WDR43: variants seen among roughly 807,000 people sequenced by gnomAD.
WDR43 encodes WD repeat domain 43, also known as WD repeat-containing protein 43.
Under a neutral mutation model 91.4 loss-of-function variants are expected in WDR43, and 13 were observed. That is an observed-to-expected ratio of 0.14 (90% confidence interval 0.09 to 0.23). WDR43 has a LOEUF of 0.23. WDR43 is among the 10% of genes least tolerant of loss of function. The pLI, the probability that WDR43 is intolerant of heterozygous loss-of-function variation, is 1.00. For missense variants in WDR43, 780 were observed against 809.4 expected, an observed-to-expected ratio of 0.96 and a Z score of 0.44; for synonymous variants, 331 against 287.9, an observed-to-expected ratio of 1.15 and a Z score of -1.51.
chr2:28,914,877 C>T (rs545442761), intron 5 of WDR43, among the ~76,000 whole-genome samples: 8 of 152,132 alleles, frequency 5.3e-5, no homozygotes, highest in Admixed American at 1.3e-4. Flanking sequence ...TGCAGTGAGC[C>T]GAGATCCCGC....
At chr2:28,939,078 G>A (rs1336727267) in intron 14 of WDR43, among the ~76,000 whole-genome samples, 1 of 100,176 alleles carries the variant, frequency 1.0e-5, no homozygotes, top group African/African-American at 3.5e-5. Context: ...TGACCTGGGA[G>A]CACTGGTGAG....
chr2:28,937,439 G>A (rs1386475423), intron 13 of WDR43, among the ~76,000 whole-genome samples: 1 of 151,704 alleles, frequency 6.6e-6, no homozygotes, highest in Non-Finnish European at 1.5e-5. Flanking sequence ...TTCTCGTGGG[G>A]TGCATTAGCC....
In WDR43 at chr2:28,906,572, A is replaced by G. The variant is rs750570112; in HGVS notation, c.476A>G (p.Lys159Arg). ...GTGGAATGGAACGTACAGACATGCA[A>G]AGTAAAGTGGTGAGTAACATTCATG... ...HIVEWNVQTCKVKCKWKGDNS... is the reference protein window; with the variant it reads ...HIVEWNVQTCRVKCKWKGDNS... Residue 159 changes from lysine (K) to arginine (R), a missense_variant, in exon 3 of 18, where the codon AAA becomes AGA. By Grantham distance (26) the Lys-to-Arg change is conservative. Around this residue, in one of 4 missense-constraint regions of WDR43, gnomAD observed 174 missense variants for 207.3 expected, o/e 0.84. Transcript: ENST00000407426. 6.8e-6 allele frequency: 11 copies of G among 1,612,042 alleles called. No individual in the cohort carries two copies. The highest frequency in any genetic ancestry group is 8.5e-6 in the Non-Finnish European group (10 of 1,179,302).
At chr2:28,933,047 G>A (rs975439170) in intron 11 of WDR43, among the ~76,000 whole-genome samples, 1 of 152,056 alleles carries the variant, frequency 6.6e-6, no homozygotes, top group African/African-American at 2.4e-5. Flanking sequence ...GTATTTTGGG[G>A]TCAAGAATTC....
intron 2 of WDR43, among the ~76,000 whole-genome samples, chr2:28,905,327 G>A (rs942533736): frequency 1.3e-5 from 2 of 152,166 alleles, no homozygotes; most frequent in African/African-American, 4.8e-5. Flanking sequence ...TTTGTGAGAT[G>A]GGAAACATGA....
At chr2:28,943,529 AG>A (rs1242522709) in intron 16 of WDR43, among the ~76,000 whole-genome samples, 1 of 152,204 alleles carries the variant, frequency 6.6e-6, no homozygotes, top group African/African-American at 2.4e-5. Context: ...GGAACATTTT[AG>A]ATCATCCTCA....
chr2:28,907,378 T>C (rs1670701056), intron 3 of WDR43, among the ~76,000 whole-genome samples: 1 of 151,628 alleles, frequency 6.6e-6, no homozygotes, highest in African/African-American at 2.4e-5. Flanking sequence ...ATCCCAGCAC[T>C]TTGGGAGGCC....
Position 28,903,750 on chromosome 2 carries a change from C to T in WDR43, c.363+1626C>T, listed in dbSNP as rs1027778122. On this transcript the variant is annotated intron_variant, in intron 2 of 17. Coordinates refer to ENST00000407426, the MANE Select transcript of WDR43 (RefSeq NM_015131.3). ...TAGGTTTTTTGTGTTCAGCAGGTAC[C>T]TAGCATCTTGTGCAGTGTGATAGCT... 2.6e-5 allele frequency among the ~76,000 whole-genome samples: 4 copies of T among 152,168 alleles called. 1 individual carries two copies. Among genetic ancestry groups the T allele is most frequent in the African/African-American group, 4.8e-5 (2 of 41,440 alleles).
At chr2:28,945,651 T>C (rs1035439218) in intron 16 of WDR43, among the ~76,000 whole-genome samples, 1 of 152,250 alleles carries the variant, frequency 6.6e-6, no homozygotes, top group Non-Finnish European at 1.5e-5. Flanking sequence ...ATGCTGATCG[T>C]TCATATTGCA....
intron 5 of WDR43, 53 bp downstream of exon 5, chr2:28,914,261 T>A: frequency 6.5e-7 from 1 of 1,544,932 alleles, no homozygotes; most frequent in African/African-American, 1.4e-5. Context: ...CTGTCAGAGC[T>A]TATGTAGTTA....
At chr2:28,924,916 G>A (rs1671098954) in intron 7 of WDR43, 66 bp from the exon 8 acceptor site, 2 of 1,554,204 alleles carry the variant, frequency 1.3e-6, no homozygotes, top group South Asian at 2.5e-5. Flanking sequence ...CTTGATGTCA[G>A]TTCCAGAGAG....
intron 6 of WDR43, 34 bp from the exon 7 acceptor site, chr2:28,922,885 C>T (rs1165237119): frequency 3.9e-6 from 6 of 1,529,900 alleles, no homozygotes; most frequent in Non-Finnish European, 4.4e-6. Context: ...AGTATGTTAT[C>T]CATTATAATA....
intron 12 of WDR43, 51 bp downstream of exon 12, chr2:28,935,658 GA>G: frequency 7.7e-7 from 1 of 1,291,606 alleles, no homozygotes; most frequent in Non-Finnish European, 1.1e-6. Flanking sequence ...GAGTTAAATG[GA>G]AAATTCAGTA....
chr2:28,929,386 C>T (rs1289693699), intron 10 of WDR43, among the ~76,000 whole-genome samples, 193 bp from the exon 11 acceptor site: 1 of 152,048 alleles, frequency 6.6e-6, no homozygotes, highest in African/African-American at 2.4e-5. Flanking sequence ...AATCTGGAAG[C>T]TTGGATTGCA....
intron 5 of WDR43, 73 bp from the exon 6 acceptor site, chr2:28,917,819 TC>T: frequency 7.6e-7 from 1 of 1,309,534 alleles, no homozygotes; most frequent in Non-Finnish European, 1.1e-6. Context: ...TCTCCATGCC[TC>T]CTTAGGTGTT....
chr2:28,926,939 T>G (rs1671153088), intron 9 of WDR43: 1 of 400,692 alleles, frequency 2.5e-6, no homozygotes, highest in African/African-American at 2.0e-5. Context: ...AATAAAACCG[T>G]CATGGGGCTA....
In WDR43 at chr2:28,946,701, G is replaced by A. The variant is rs1277090725; in HGVS notation, c.1956G>A (p.Glu652=). 3 of 1,579,176 alleles carry A rather than the reference G, an allele frequency of 1.9e-6. No individual in the cohort carries two copies. Among genetic ancestry groups the A allele is most frequent in the Non-Finnish European group, 2.6e-6 (3 of 1,162,250 alleles). The change falls in exon 18 of 18, where the codon GAG becomes GAA. Residue 652 remains glutamate, a synonymous_variant. Transcript: ENST00000407426. ...DAEGKDEENG[E]DRDTASEKEL... ...AAGGAAAAGATGAAGAAAATGGCGAGGACAGAGATACAGCAAGTGAAAAAG... is the reference window on the plus strand; with the variant it reads ...AAGGAAAAGATGAAGAAAATGGCGAAGACAGAGATACAGCAAGTGAAAAAG...
rs967142315 is a variant in WDR43 at position 28,948,039 on chromosome 2, A to C, written c.*1260A>C. On this transcript the variant is annotated 3_prime_UTR_variant, in exon 18 of 18. Coordinates refer to ENST00000407426, the MANE Select transcript of WDR43 (RefSeq NM_015131.3). The stretch of plus-strand genomic sequence containing the variant: ...TATCTTTGAGGGAGTTTTTAATACC[A>C]ATGACAGAACAGAGATTTGTGTGCT... 2.0e-5 allele frequency: 3 copies of C among 152,110 alleles called. No individual in the cohort carries two copies. The highest frequency in any genetic ancestry group is 7.2e-5 in the African/African-American group (3 of 41,398). The allele number at this position is 152,110 out of a possible 1,614,324, so 9.4% of individuals were successfully genotyped here.
chr2:28,911,026 C>G (rs1365249555), intron 3 of WDR43, among the ~76,000 whole-genome samples: 1 of 150,916 alleles, frequency 6.6e-6, no homozygotes, highest in African/African-American at 2.4e-5. Flanking sequence ...AATTTTATGA[C>G]TTATTTGTGG....
Sources: gnomAD v4.1 joint callset for allele counts (sites outside exome capture counted in the v4.1 genomes callset) on GRCh38, gnomAD v4.1.1 for gene constraint, gnomAD v4.1.1 regional missense constraint, MANE v1.5 for transcripts, NCBI Gene and HGNC (gene_info 2026-07-23, HGNC 2026-07-21) for gene names.